The following DPP10 variants were observed in gnomAD, a reference collection of about 807,000 sequenced individuals.
DPP10 encodes inactive dipeptidyl peptidase 10.
Under a neutral mutation model 120.9 loss-of-function variants are expected in DPP10, and 33 were observed. The observed-to-expected ratio is 0.27, with a 90% CI of 0.21 to 0.37. The LOEUF (loss-of-function observed/expected upper bound fraction) is 0.37, where lower values mean the gene tolerates loss of function less well. DPP10 is among the 10% of genes least tolerant of loss of function. DPP10 has a pLI of 1.00. For synonymous variants in DPP10, 337 were observed against 326.1 expected, an observed-to-expected ratio of 1.03 and a Z score of -0.36; for missense variants, 816 against 942.8, an observed-to-expected ratio of 0.87 and a Z score of 1.76.
chr2:115,310,242 C>G (rs903194210), intron 2 of DPP10, among the ~76,000 whole-genome samples: 1 of 152,094 alleles, frequency 6.6e-6, no homozygotes, highest in Admixed American at 6.6e-5. Context: ...TTGTTGAATG[C>G]TATTTATTTC....
At chr2:114,624,041 G>GT (rs1694302796) in intron 1 of DPP10, among the ~76,000 whole-genome samples, 1 of 152,020 alleles carries the variant, frequency 6.6e-6, no homozygotes, top group South Asian at 2.1e-4. Flanking sequence ...CACTTAAACA[G>GT]TGACTGGAGC....
chr2:115,708,678 A>G (rs2092216829), intron 7 of DPP10, among the ~76,000 whole-genome samples: 1 of 152,006 alleles, frequency 6.6e-6, no homozygotes. Context: ...TTATATCTCT[A>G]ACATAAAAAC....
chr2:115,010,974 C>T (rs960466143), intron 1 of DPP10, among the ~76,000 whole-genome samples: 11 of 152,062 alleles, frequency 7.2e-5, no homozygotes, highest in South Asian at 6.2e-4. Flanking sequence ...CAAATATTGG[C>T]GCAAATTTGT....
chr2:115,470,442 C>T (rs1483583773), intron 3 of DPP10, among the ~76,000 whole-genome samples: 1 of 152,088 alleles, frequency 6.6e-6, no homozygotes, highest in African/African-American at 2.4e-5. Context: ...CAAATCATAG[C>T]ATATGAACAA....
At chr2:114,958,571 T>C (rs1355669283) in intron 1 of DPP10, among the ~76,000 whole-genome samples, 1 of 152,210 alleles carries the variant, frequency 6.6e-6, no homozygotes, top group Non-Finnish European at 1.5e-5. Context: ...AGGTGATGGA[T>C]ATGTTAATTA....
chr2:115,648,954 A>G (rs2087518340), intron 5 of DPP10, among the ~76,000 whole-genome samples: 1 of 152,154 alleles, frequency 6.6e-6, no homozygotes. Flanking sequence ...CAAAGCAGTA[A>G]TAAAGACCAG....
At chr2:114,506,143 G>A (rs1326905759) in intron 1 of DPP10, among the ~76,000 whole-genome samples, 6 of 152,150 alleles carry the variant, frequency 3.9e-5, no homozygotes, top group Non-Finnish European at 5.9e-5. Flanking sequence ...CCACTCAAAT[G>A]TTGCCTTTTC....
At chr2:115,767,126 A>T (rs1680857013) in intron 12 of DPP10, among the ~76,000 whole-genome samples, 1 of 152,190 alleles carries the variant, frequency 6.6e-6, no homozygotes, top group South Asian at 2.1e-4. Context: ...CACCTTATTG[A>T]TAAGGAGATT....
At chr2:114,887,650 A>G (rs182719322) in intron 1 of DPP10, among the ~76,000 whole-genome samples, 8 of 152,320 alleles carry the variant, frequency 5.3e-5, no homozygotes, top group Non-Finnish European at 1.2e-4. Context: ...CTTAGTATCT[A>G]GGGATCACAG....
chr2:114,561,050 C>T (rs1179176236), intron 1 of DPP10, among the ~76,000 whole-genome samples: 2 of 152,178 alleles, frequency 1.3e-5, no homozygotes, highest in East Asian at 1.9e-4. Context: ...AGCCACAGCA[C>T]CCCCTTTCTC....
intron 3 of DPP10, among the ~76,000 whole-genome samples, chr2:115,409,489 A>G (rs1336480048): frequency 6.6e-6 from 1 of 152,224 alleles, no homozygotes; most frequent in Non-Finnish European, 1.5e-5. Context: ...AAGAATGACC[A>G]TAATTTAAAA....
intron 1 of DPP10, among the ~76,000 whole-genome samples, chr2:114,704,056 T>A (rs79891061): frequency 0.033 from 5,011 of 152,134 alleles, 128 homozygotes; most frequent in Middle Eastern, 0.065. Context: ...GTGCTAGGGA[T>A]CATCAGGGCA....
At chr2:115,288,798 G>A (rs1329130714) in intron 1 of DPP10, among the ~76,000 whole-genome samples, 2 of 151,988 alleles carry the variant, frequency 1.3e-5, no homozygotes, top group African/African-American at 2.4e-5. Context: ...ATACCTCAAA[G>A]TAATAAAAAC....
chr2:115,031,023 T>C (rs1369130056), intron 1 of DPP10, among the ~76,000 whole-genome samples: 1 of 152,188 alleles, frequency 6.6e-6, no homozygotes, highest in African/African-American at 2.4e-5. Flanking sequence ...TTTTGACATG[T>C]AGTCCCTAAA....
chr2:115,675,528 A>C (rs1042773108), intron 5 of DPP10, among the ~76,000 whole-genome samples: 3 of 152,156 alleles, frequency 2.0e-5, no homozygotes, highest in Admixed American at 1.3e-4. Context: ...TGGAAGCTTG[A>C]GATGGTAGCA....
chr2:115,272,095 A>C (rs1351981369), intron 1 of DPP10, among the ~76,000 whole-genome samples: 1 of 152,122 alleles, frequency 6.6e-6, no homozygotes, highest in Non-Finnish European at 1.5e-5. Flanking sequence ...TGAAACTCAA[A>C]TTAGCTTCTC....
chr2:115,586,211 A>G (rs945606614), intron 5 of DPP10, among the ~76,000 whole-genome samples: 1 of 152,116 alleles, frequency 6.6e-6, no homozygotes, highest in Admixed American at 6.6e-5. Context: ...CTGTAATCCC[A>G]ACTACTAGGA....
At chr2:114,635,566 T>A (rs776674637) in intron 1 of DPP10, among the ~76,000 whole-genome samples, 42 of 152,044 alleles carry the variant, frequency 2.8e-4, no homozygotes, top group Non-Finnish European at 5.1e-4. Flanking sequence ...AATCGTTTTT[T>A]TCTGACATTA....
intron 1 of DPP10, among the ~76,000 whole-genome samples, chr2:114,571,881 T>C (rs974001286): frequency 1.3e-5 from 2 of 148,502 alleles, no homozygotes; most frequent in Non-Finnish European, 3.0e-5. Context: ...TGTATATATA[T>C]AGTATATAAT....
Sources: allele counts gnomAD v4.1 joint callset (sites outside exome capture counted in the v4.1 genomes callset), GRCh38; gene constraint gnomAD v4.1.1; transcripts MANE v1.5; gene names NCBI Gene and HGNC (gene_info 2026-07-23, HGNC 2026-07-21).